The following WWOX variants were observed in gnomAD, a reference collection of about 807,000 sequenced individuals.
The protein encoded by WWOX is WW domain-containing oxidoreductase.
Under a neutral mutation model 46.2 loss-of-function variants are expected in WWOX, and 69 were observed. The observed-to-expected ratio is 1.49, with a 90% confidence interval of 1.23 to 1.82. WWOX has a LOEUF of 1.82. Ranked by LOEUF, WWOX falls within the 40% of genes most tolerant of loss-of-function variation. The probability of loss-of-function intolerance (pLI) is 0.00; values close to 1 mark genes in which losing one functional copy is unlikely to be tolerated. For synonymous variants in WWOX, 359 were observed against 202.6 expected, an observed-to-expected ratio of 1.77 and a Z score of -6.56; for missense variants, 919 against 542.6, an observed-to-expected ratio of 1.69 and a Z score of -6.89.
At chr16:78,867,265 T>G (rs1356315928) in intron 8 of WWOX, among the ~76,000 whole-genome samples, 2 of 152,270 alleles carry the variant, frequency 1.3e-5, no homozygotes, top group African/African-American at 4.8e-5. Flanking sequence ...CATCTTGGCT[T>G]GGTTAACAGA....
intron 8 of WWOX, among the ~76,000 whole-genome samples, chr16:78,934,875 G>T (rs983174642): frequency 1.3e-5 from 2 of 152,164 alleles, no homozygotes; most frequent in Non-Finnish European, 2.9e-5. Context: ...CAAGGCGGGT[G>T]CATCACTTGA....
At chr16:78,209,855 C>A (rs1260634484) in intron 5 of WWOX, among the ~76,000 whole-genome samples, 2 of 151,920 alleles carry the variant, frequency 1.3e-5, no homozygotes, top group Non-Finnish European at 2.9e-5. Context: ...AAGGGTAAGA[C>A]CTTCATAATT....
chr16:78,248,873 T>TC (rs1358215425), intron 5 of WWOX, among the ~76,000 whole-genome samples: 1 of 148,946 alleles, frequency 6.7e-6, no homozygotes, highest in East Asian at 2.0e-4. Context: ...CCTTTTTTTT[T>TC]TTTTTTTTTT....
intron 8 of WWOX, among the ~76,000 whole-genome samples, chr16:78,937,088 G>T (rs2045753630): frequency 6.6e-6 from 1 of 152,128 alleles, no homozygotes; most frequent in South Asian, 2.1e-4. Context: ...CTTCAAAATA[G>T]CTTCTCAGTA....
rs376254435 is a variant in WWOX at position 78,916,929 on chromosome 16, AC to A, written c.1057-294676del. Among the ~76,000 whole-genome samples, 882 of 152,242 alleles carry A rather than the reference AC, an allele frequency of 5.8e-3. 7 individuals are homozygous for A. The highest frequency in any genetic ancestry group is 0.021 in the African/African-American group (852 of 41,544). On this transcript the variant is annotated intron_variant, in intron 8 of 8. Coordinates refer to ENST00000566780, the MANE Select transcript of WWOX (RefSeq NM_016373.4). ...TGGTAAGGGGATCAGGTAAAGCTTG[AC>A]CCAGGGGCTAAACTTTAAGGACCTG...
intron 8 of WWOX, among the ~76,000 whole-genome samples, chr16:78,656,046 TG>T (rs1489587357): frequency 1.3e-5 from 2 of 152,136 alleles, no homozygotes; most frequent in African/African-American, 4.8e-5. Context: ...TGTTTTGAAA[TG>T]GGGGTGTGGG....
intron 8 of WWOX, among the ~76,000 whole-genome samples, chr16:79,174,571 C>G (rs563827474): frequency 1.3e-5 from 2 of 152,304 alleles, no homozygotes; most frequent in Non-Finnish European, 2.9e-5. Context: ...TCACTTGAAC[C>G]TGGGAGACAG....
chr16:78,323,959 CTG>C (rs2080550184), intron 5 of WWOX, among the ~76,000 whole-genome samples: 2 of 152,262 alleles, frequency 1.3e-5, no homozygotes, highest in African/African-American at 4.8e-5. Context: ...GTGCTGGGCA[CTG>C]TGCTAGGCAT....
chr16:78,340,018 G>C (rs76872500), intron 5 of WWOX, among the ~76,000 whole-genome samples: 557 of 14,656 alleles, frequency 0.038, 125 homozygotes, highest in African/African-American at 0.14. Context: ...TGGATTTGGT[G>C]GGGGGGGGGG....
intron 5 of WWOX, among the ~76,000 whole-genome samples, chr16:78,299,145 A>G (rs538928069): frequency 1.3e-5 from 2 of 152,292 alleles, no homozygotes; most frequent in South Asian, 4.1e-4. Context: ...AAGAACCCAG[A>G]AGACTGACTC....
chr16:79,099,003 G>A (rs774335884), intron 8 of WWOX, among the ~76,000 whole-genome samples: 9 of 152,168 alleles, frequency 5.9e-5, no homozygotes, highest in Non-Finnish European at 8.8e-5. Flanking sequence ...TTAAGCATCT[G>A]GGGAGGGCCT....
intron 5 of WWOX, among the ~76,000 whole-genome samples, chr16:78,332,549 A>G (rs772923576): frequency 6.6e-5 from 10 of 152,312 alleles, no homozygotes; most frequent in Admixed American, 1.3e-4. Context: ...TTGCTCAAGA[A>G]CAAACATCCA....
chr16:78,571,308 A>G (rs2044710527), intron 8 of WWOX, among the ~76,000 whole-genome samples: 1 of 152,244 alleles, frequency 6.6e-6, no homozygotes, highest in Non-Finnish European at 1.5e-5. Flanking sequence ...TCATACACCC[A>G]GTACACTTGG....
At chr16:78,406,871 C>T (rs951743037) in intron 6 of WWOX, among the ~76,000 whole-genome samples, 2 of 152,162 alleles carry the variant, frequency 1.3e-5, no homozygotes, top group South Asian at 2.1e-4. Flanking sequence ...AGTGATCCGC[C>T]CGCTTCAGCC....
In WWOX at chr16:78,187,241, A is replaced by T. The variant is rs138609851; in HGVS notation, c.516+22952A>T. 6.9e-3 allele frequency among the ~76,000 whole-genome samples: 1,044 copies of T among 152,248 alleles called. 4 individuals carry two copies. The highest frequency in any genetic ancestry group is 0.014 in the Middle Eastern group (4 of 294). ...TTTTTGCCCATCCAACCCACCCTTC[A>T]CACATGGCCGAGTTATGCCAAACTT... On this transcript the variant is annotated intron_variant, in intron 5 of 8. Transcript: ENST00000566780.
At chr16:78,658,321 C>G (rs984608600) in intron 8 of WWOX, among the ~76,000 whole-genome samples, 3 of 152,138 alleles carry the variant, frequency 2.0e-5, no homozygotes, top group Non-Finnish European at 4.4e-5. Flanking sequence ...ATATAAACTA[C>G]TACTTTACTA....
intron 8 of WWOX, among the ~76,000 whole-genome samples, chr16:78,948,111 G>A (rs2045984074): frequency 6.6e-6 from 1 of 152,188 alleles, no homozygotes; most frequent in African/African-American, 2.4e-5. Context: ...CTAGCATCTT[G>A]CCTTACTCAG....
chr16:78,696,078 C>A (rs1440386427), intron 8 of WWOX, among the ~76,000 whole-genome samples: 1 of 152,080 alleles, frequency 6.6e-6, no homozygotes, highest in Non-Finnish European at 1.5e-5. Flanking sequence ...GATACACGGT[C>A]AAGTTTGAGA....
At chr16:78,291,300 A>G (rs947744566) in intron 5 of WWOX, among the ~76,000 whole-genome samples, 10 of 152,170 alleles carry the variant, frequency 6.6e-5, no homozygotes, top group African/African-American at 2.4e-4. Flanking sequence ...CCACAGCCTA[A>G]TGTTATTTTG....
Sources: gnomAD v4.1 joint callset for allele counts (sites outside exome capture counted in the v4.1 genomes callset) on GRCh38, gnomAD v4.1.1 for gene constraint, MANE v1.5 for transcripts, NCBI Gene and HGNC (gene_info 2026-07-23, HGNC 2026-07-21) for gene names.